The following POLI variants were observed in gnomAD, a reference collection of about 807,000 sequenced individuals.
POLI encodes RAD30 homolog B.
In POLI, 58 loss-of-function variants were observed where a neutral mutation model predicts 51.6. The observed-to-expected ratio is 1.12, with a 90% CI of 0.91 to 1.40. The LOEUF (loss-of-function observed/expected upper bound fraction) is 1.40, where lower values mean the gene tolerates loss of function less well. POLI is among the 40% of genes most tolerant of loss of function. POLI has a pLI of 0.00. For missense variants in POLI, 921 were observed against 871.3 expected, an observed-to-expected ratio of 1.06 and a Z score of -0.72; for synonymous variants, 322 against 299.7, an observed-to-expected ratio of 1.07 and a Z score of -0.77.
At chr18:54,280,145 G>A (rs2087432164) in intron 4 of POLI, among the ~76,000 whole-genome samples, 1 of 152,150 alleles carries the variant, frequency 6.6e-6, no homozygotes, top group Non-Finnish European at 1.5e-5. Flanking sequence ...ATTTAGTGTT[G>A]CTTTAACAGA....
intron 1 of POLI, 27 bp from the exon 2 acceptor site, chr18:54,271,333 C>A (rs756561620): frequency 6.3e-7 from 1 of 1,584,706 alleles, no homozygotes; most frequent in Non-Finnish European, 8.6e-7. Context: ...GCCTGAATTT[C>A]TTTTTATTTC....
At chr18:54,301,431 CAG>C (rs2088488780), downstream of POLI, among the ~76,000 whole-genome samples, 2 of 152,268 alleles carry the variant, frequency 1.3e-5, no homozygotes, top group South Asian at 2.1e-4. Context: ...AAAGTGCACA[CAG>C]AATACAGATG....
intron 7 of POLI, chr18:54,284,511 A>G (rs1233163851): frequency 6.6e-6 from 1 of 152,288 alleles, no homozygotes; most frequent in Non-Finnish European, 1.5e-5. Flanking sequence ...TTCATTAAGA[A>G]GAAAAAAATG....
chr18:54,309,595 A>G, intron 3 of POLI, among the ~76,000 whole-genome samples: 1 of 152,104 alleles, frequency 6.6e-6, no homozygotes, highest in African/African-American at 2.4e-5. Context: ...GTGCTGGGAG[A>G]TGTCCCATGT....
chr18:54,314,727 T>C (rs922905681), intron 3 of POLI, among the ~76,000 whole-genome samples: 2 of 152,204 alleles, frequency 1.3e-5, no homozygotes, highest in Non-Finnish European at 2.9e-5. Context: ...ATTCATTTCC[T>C]CTAGATTTTC....
At chr18:54,315,499 T>A (rs1299787944) in intron 3 of POLI, among the ~76,000 whole-genome samples, 1 of 152,200 alleles carries the variant, frequency 6.6e-6, no homozygotes, top group African/African-American at 2.4e-5. Flanking sequence ...AGTGTTTGCT[T>A]TAAGTCCAGA....
chr18:54,300,488 G>T (rs1168930478), downstream of POLI, among the ~76,000 whole-genome samples: 1 of 151,078 alleles, frequency 6.6e-6, no homozygotes, highest in East Asian at 1.9e-4. Flanking sequence ...CAGTAAAGAA[G>T]ATAAGAAATA....
At chr18:54,280,641 TTGAA>T (rs1568125824) in intron 4 of POLI, 22 bp from the exon 5 acceptor site, 1 of 1,463,078 alleles carries the variant, frequency 6.8e-7, no homozygotes, top group South Asian at 1.2e-5. Flanking sequence ...TCTTGTGACT[TTGAA>T]TGACATTTGT....
At chr18:54,300,329 T>C (rs547486117), downstream of POLI, among the ~76,000 whole-genome samples, 3 of 152,224 alleles carry the variant, frequency 2.0e-5, no homozygotes, top group South Asian at 6.2e-4. Context: ...ATTTTAAGTA[T>C]AGAAATGGTA....
intron 1 of POLI, chr18:54,270,123 T>C (rs1005129657): frequency 7.1e-5 from 53 of 748,020 alleles, no homozygotes; most frequent in Non-Finnish European, 2.9e-5. Flanking sequence ...GGTGACCCAC[T>C]TCCAGCTCTG....
At chr18:54,305,057 A>G (rs2088559093) in intron 3 of POLI, among the ~76,000 whole-genome samples, 1 of 152,194 alleles carries the variant, frequency 6.6e-6, no homozygotes, top group Non-Finnish European at 1.5e-5. Flanking sequence ...GATTTGTCAA[A>G]GATCAGATGG....
At chr18:54,273,386 G>GTTTT (rs11379197) in intron 2 of POLI, among the ~76,000 whole-genome samples, 1 of 136,482 alleles carries the variant, frequency 7.3e-6, no homozygotes. Context: ...ATTTTCATCC[G>GTTTT]TTTTTTTTTT....
intron 8 of POLI, among the ~76,000 whole-genome samples, chr18:54,289,776 T>TG (rs2087918564): frequency 4.6e-5 from 7 of 152,276 alleles, no homozygotes; most frequent in Middle Eastern, 3.4e-3. Context: ...GCTAGCCATA[T>TG]GTAGAAAGTT....
intron 3 of POLI, among the ~76,000 whole-genome samples, chr18:54,303,716 T>G (rs138376829): frequency 6.6e-6 from 1 of 152,080 alleles, no homozygotes; most frequent in African/African-American, 2.4e-5. Context: ...ACTGCAGGCA[T>G]GCATTCTCAG....
chr18:54,297,162 C>T lies in POLI; in HGVS notation c.*2695C>T, dbSNP rs149133029. 1.3e-5 allele frequency: 13 copies of T among 985,382 alleles called. No homozygotes were observed. The East Asian group carries it at 9.1e-4, about 69-fold the overall frequency. The allele number at this position is 985,382 out of a possible 1,614,324, so 61.0% of individuals were successfully genotyped here. On this transcript the variant is annotated 3_prime_UTR_variant, in exon 10 of 10. Transcript: ENST00000579534. Reference sequence around the variant, plus strand: ...AGCCGAAGGTTTTGTCTCTGCAGGTCAATTCCAAACTAACAGGCAGATGCT... The same window carrying T: ...AGCCGAAGGTTTTGTCTCTGCAGGTTAATTCCAAACTAACAGGCAGATGCT...
At chr18:54,314,777 T>G (rs601995) in intron 3 of POLI, among the ~76,000 whole-genome samples, 37,455 of 151,254 alleles carry the variant, frequency 0.25, 4,805 homozygotes, top group Middle Eastern at 0.3. Flanking sequence ...GGTCACTGGG[T>G]ATCTTCTGTA....
chr18:54,277,969 T>G (rs755130540), intron 4 of POLI, 114 bp downstream of exon 4: 4 of 749,006 alleles, frequency 5.3e-6, no homozygotes, highest in Non-Finnish European at 8.5e-6. Context: ...GGAGGTATAG[T>G]TATATTTAGT....
Position 54,294,300 on chromosome 18 carries a change from C to G in POLI, c.2056C>G (p.His686Asp), listed in dbSNP as rs1472451848. ...SHKQTVATDS[H>D]EGLTENREPD... Reference sequence around the variant, plus strand: ...TAAGCAAACAGTAGCAACAGACTCTCATGAAGGACTTACAGAAAATAGAGA... The same window carrying G: ...TAAGCAAACAGTAGCAACAGACTCTGATGAAGGACTTACAGAAAATAGAGA... The change falls in exon 10 of 10, where the codon CAT becomes GAT. Residue 686 changes from histidine to aspartate, a missense_variant. His to Asp is a moderately conservative substitution (Grantham distance 81). Transcript: ENST00000579534. 1 of 1,613,396 alleles carries G rather than the reference C, an allele frequency of 6.2e-7. No homozygotes were observed. The highest frequency in any genetic ancestry group is 1.3e-5 in the African/African-American group (1 of 74,896).
intron 3 of POLI, among the ~76,000 whole-genome samples, chr18:54,317,367 C>T (rs2088746898): frequency 6.6e-6 from 1 of 152,110 alleles, no homozygotes; most frequent in Admixed American, 6.6e-5. Flanking sequence ...GTCTGTTACA[C>T]ATAATTGTGG....
Sources: allele counts gnomAD v4.1 joint callset (sites outside exome capture counted in the v4.1 genomes callset), GRCh38; gene constraint gnomAD v4.1.1; transcripts MANE v1.5; gene names NCBI Gene and HGNC (gene_info 2026-07-23, HGNC 2026-07-21).